Variants in UMODL1 observed in about 807,000 individuals in gnomAD.
The protein encoded by UMODL1 is uromodulin-like 1.
A neutral mutation model predicts 136.3 loss-of-function variants in UMODL1; 128 were observed. The ratio of observed to expected loss-of-function variants is 0.94; its 90% CI spans 0.81 to 1.09. The LOEUF (loss-of-function observed/expected upper bound fraction) is 1.09. Among genes scored for constraint, UMODL1 ranks in the 50% least tolerant of loss-of-function variants. The pLI is 0.00. For missense variants in UMODL1, 1,766 were observed against 1,725.6 expected, an observed-to-expected ratio of 1.02 and a Z score of -0.41; for synonymous variants, 721 against 720.0, an observed-to-expected ratio of 1.00 and a Z score of -0.02.
At chr21:42,107,864 G>T (rs1023058914) in intron 9 of UMODL1, among the ~76,000 whole-genome samples, 1 of 152,200 alleles carries the variant, frequency 6.6e-6, no homozygotes, top group African/African-American at 2.4e-5. Context: ...TGAAGCAGCT[G>T]CCCCCATTGC....
chr21:42,098,539 T>C (rs1032719047), intron 6 of UMODL1, among the ~76,000 whole-genome samples: 8 of 151,252 alleles, frequency 5.3e-5, no homozygotes, highest in Non-Finnish European at 1.2e-4. Context: ...GAGGCTGAGG[T>C]GGGTGGATCA....
chr21:42,099,079 C>T lies in UMODL1; in HGVS notation c.1085C>T (p.Ala362Val), dbSNP rs1225455762. ...LLRSARTQSQ[A>V]LAVAGLEAGV... ...AGGAGCGCCAGGACACAGAGCCAGG[C>T]ACTGGCAGTGGCTGGGCTGGAGGCT... Residue 362 changes from alanine to valine, a missense_variant, in exon 7 of 23, where the codon GCA becomes GTA. By Grantham distance (64) the Ala-to-Val change is moderately conservative. Transcript: ENST00000408910. The surrounding 1 kb of genome is among the most constrained non-coding windows in gnomAD (Gnocchi z 4.1). The T allele has an allele frequency of 6.2e-7, 1 of 1,614,200 alleles. No homozygotes were observed. The highest frequency in any genetic ancestry group is 1.3e-5 in the African/African-American group (1 of 75,034).
chr21:42,106,759 AAC>A (rs754365699), intron 9 of UMODL1, among the ~76,000 whole-genome samples: 7 of 152,198 alleles, frequency 4.6e-5, no homozygotes, highest in Non-Finnish European at 1.0e-4. Flanking sequence ...AGTGAGGCGG[AAC>A]GGGTTGGAAT....
intron 2 of UMODL1, among the ~76,000 whole-genome samples, chr21:42,080,031 C>G (rs2066343221): frequency 6.6e-6 from 1 of 152,192 alleles, no homozygotes; most frequent in Admixed American, 6.5e-5. Context: ...GGGCCTGTAT[C>G]CCATTTCTTC....
intron 16 of UMODL1, among the ~76,000 whole-genome samples, chr21:42,121,828 C>T (rs192498165): frequency 6.6e-6 from 1 of 152,234 alleles, no homozygotes; most frequent in East Asian, 1.9e-4. Context: ...TGAGTGTGGC[C>T]AGGGAGGGCT....
chr21:42,066,146 C>T (rs1177236674), intron 1 of UMODL1, among the ~76,000 whole-genome samples: 2 of 152,236 alleles, frequency 1.3e-5, no homozygotes, highest in African/African-American at 2.4e-5. Context: ...CCAGTCTTCT[C>T]TGGTAAGTGC....
intron 2 of UMODL1, among the ~76,000 whole-genome samples, chr21:42,078,740 A>G (rs1236536): frequency 1.3e-4 from 20 of 148,970 alleles, no homozygotes; most frequent in South Asian, 4.3e-4. Flanking sequence ...ACCAACAGAA[A>G]CCAGGCAGGG....
At chr21:42,100,716 C>G (rs938296615) in intron 7 of UMODL1, among the ~76,000 whole-genome samples, 1 of 148,748 alleles carries the variant, frequency 6.7e-6, no homozygotes, top group African/African-American at 2.5e-5. Flanking sequence ...CCTCCCCACC[C>G]CAGCAACCCC....
intron 1 of UMODL1, among the ~76,000 whole-genome samples, chr21:42,075,368 C>G (rs1159752836): frequency 6.6e-6 from 1 of 152,156 alleles, no homozygotes; most frequent in Admixed American, 6.5e-5. Flanking sequence ...CTGAGCTGGT[C>G]TTTTATCATC....
chr21:42,087,363 C>T (rs1456705940), intron 4 of UMODL1, among the ~76,000 whole-genome samples: 1 of 152,196 alleles, frequency 6.6e-6, no homozygotes, highest in African/African-American at 2.4e-5. Flanking sequence ...TATCGGAGGA[C>T]TCCTGCTCTC....
rs1476316111 is a variant in UMODL1, at chr21:42,122,633, G to GTGTGTGTACGTGTGTGTGCA, written c.2828-196_2828-177dup. Among the ~76,000 whole-genome samples, 1 of 149,602 alleles carries GTGTGTGTACGTGTGTGTGCA rather than the reference G, an allele frequency of 6.7e-6. No individual in the cohort carries two copies. Among genetic ancestry groups the GTGTGTGTACGTGTGTGTGCA allele is most frequent in the East Asian group, 1.9e-4 (1 of 5,144 alleles). ...TCTGCGTGCATGTGTGTGCATGCAC[G>GTGTGTGTACGTGTGTGTGCA]TGTGTGTACGTGTGTGTGCATATGT... On this transcript the variant is annotated intron_variant, in intron 16 of 22. Transcript: ENST00000408910. This position sits in a 1 kb window ranked among gnomAD's most constrained non-coding sequence, Gnocchi z 4.3.
At chr21:42,101,070 C>T (rs1285067216) in intron 7 of UMODL1, among the ~76,000 whole-genome samples, 1 of 151,286 alleles carries the variant, frequency 6.6e-6, no homozygotes, top group Non-Finnish European at 1.5e-5. Flanking sequence ...CCTTGATTTT[C>T]TTTCCTTTTC....
chr21:42,092,857 A>ATT (rs11322789), intron 6 of UMODL1, among the ~76,000 whole-genome samples: 42 of 151,080 alleles, frequency 2.8e-4, no homozygotes, highest in Admixed American at 1.6e-3. Flanking sequence ...CCTTAAGCTC[A>ATT]TTTTTTTTTT....
chr21:42,091,473 G>T (rs1240843376), intron 6 of UMODL1, among the ~76,000 whole-genome samples: 1 of 152,206 alleles, frequency 6.6e-6, no homozygotes, highest in Non-Finnish European at 1.5e-5. Context: ...CTTGGAAGAA[G>T]AAGTAACTGT....
chr21:42,116,042 A>C (rs925999282), intron 14 of UMODL1, 57 bp downstream of exon 14: 55 of 1,476,992 alleles, frequency 3.7e-5, no homozygotes, highest in Non-Finnish European at 5.2e-5. Context: ...TGGAAGGCTG[A>C]TAGAATTCTA....
intron 21 of UMODL1, among the ~76,000 whole-genome samples, chr21:42,136,622 C>A (rs11701867): frequency 0.15 from 22,314 of 152,268 alleles, 1,967 homozygotes; most frequent in Non-Finnish European, 0.19. Context: ...GTGGACACTT[C>A]AGTTGTTGCC....
At chr21:42,093,793 C>T (rs958360883) in intron 6 of UMODL1, 3 of 443,964 alleles carry the variant, frequency 6.8e-6, no homozygotes, top group Non-Finnish European at 1.4e-5. Flanking sequence ...CAGTGGTCAT[C>T]CCCGGGGTCT....
rs117191953 is a variant in UMODL1, at chr21:42,138,562, T to G, written c.*21+921T>G. Among the ~76,000 whole-genome samples, 325 of 151,404 alleles carry G rather than the reference T, an allele frequency of 2.1e-3. 13 individuals carry two copies. In the East Asian group the frequency reaches 0.061, roughly 29 times the overall value. ...GTGGGAAACACCAAGACTGGGACTT[T>G]TGTAAAGATTTTCAGATTTTTTTTT... is the stretch of plus-strand genomic sequence containing the variant. On this transcript the variant is annotated intron_variant, in intron 22 of 22. Transcript: ENST00000408910.
rs770218172 is a variant in UMODL1, at chr21:42,113,717, G to A, written c.2249G>A (p.Trp750Ter). The A allele has an allele frequency of 6.2e-7, 1 of 1,614,108 alleles. No homozygotes were observed. Among genetic ancestry groups the A allele is most frequent in the Admixed American group, 1.7e-5 (1 of 60,026 alleles). The part of the protein sequence containing the change: ...MWSPAVVLET[W>*]NTSVTLSGLE... Reference sequence around the variant, plus strand: ...AGCCCTGCTGTGGTCCTAGAGACCTGGAACACGAGTGTGACACTGTCGGGG... The same window carrying A: ...AGCCCTGCTGTGGTCCTAGAGACCTAGAACACGAGTGTGACACTGTCGGGG... The change falls in exon 13 of 23, where the codon TGG becomes TAG. Residue 750 changes from tryptophan to a stop codon, truncating the protein, a stop_gained. Coordinates refer to ENST00000408910, the MANE Select transcript of UMODL1 (RefSeq NM_001004416.3). LOFTEE classifies it high-confidence loss of function.
Sources: allele counts gnomAD v4.1 joint callset (sites outside exome capture counted in the v4.1 genomes callset), GRCh38; gene constraint gnomAD v4.1.1; non-coding constraint Gnocchi (gnomAD v3.1); transcripts MANE v1.5; gene names NCBI Gene and HGNC (gene_info 2026-07-23, HGNC 2026-07-21).